CMTM4: variants seen among roughly 807,000 people sequenced by gnomAD.
CMTM4 encodes the protein CKLF-like MARVEL transmembrane domain-containing protein 4.
CMTM4 carries 8 observed loss-of-function variants against 19.0 expected under a neutral mutation model. The ratio of observed to expected loss-of-function variants is 0.42; its 90% CI spans 0.25 to 0.76. The LOEUF is 0.76. CMTM4 is among the 30% of genes least tolerant of loss of function. The pLI is 0.27. For missense variants in CMTM4, 228 were observed against 290.2 expected (o/e 0.79, Z 1.56); for synonymous variants, 106 against 121.1 (o/e 0.88, Z 0.82).
intron 2 of CMTM4, among the ~76,000 whole-genome samples, chr16:66,636,018 A>G (rs1253583572): frequency 2.6e-5 from 4 of 152,142 alleles, no homozygotes; most frequent in African/African-American, 9.7e-5. Context: ...TTTCATTCAT[A>G]TTTTCAATTC....
chr16:66,615,787 CAGG>C lies in CMTM4; in HGVS notation c.*6268_*6270del, dbSNP rs1284889777. ...CCTCTCACCATTTTACACCCAAAGA[CAGG>C]AGGTCAGGGCTCTGATGCTACTCTT... On this transcript the variant is annotated 3_prime_UTR_variant, in exon 4 of 4. Coordinates refer to ENST00000394106, the MANE Select transcript of CMTM4 (RefSeq NM_181521.3). The surrounding 1 kb of genome is among the most constrained non-coding windows in gnomAD (Gnocchi z 4.9). 6.6e-6 allele frequency: 1 copy of C among 152,230 alleles called. No homozygotes were observed. Among genetic ancestry groups the C allele is most frequent in the Non-Finnish European group, 1.5e-5 (1 of 68,056 alleles). 9.4% of individuals were successfully genotyped at this position (152,230 alleles called of 1,614,324 possible).
intron 2 of CMTM4, among the ~76,000 whole-genome samples, chr16:66,627,787 CTG>C (rs1388533689): frequency 6.6e-6 from 1 of 152,148 alleles, no homozygotes; most frequent in African/African-American, 2.4e-5. Context: ...GGACGAGAGA[CTG>C]AGAAAAGAAG....
chr16:66,632,337 T>C (rs2015889267), intron 2 of CMTM4, among the ~76,000 whole-genome samples: 1 of 151,902 alleles, frequency 6.6e-6, no homozygotes, highest in Admixed American at 6.6e-5. Flanking sequence ...TGAAGATGAA[T>C]TGCGGAAGAC....
chr16:66,669,467 T>TAA (rs35876830), intron 1 of CMTM4, among the ~76,000 whole-genome samples: 5 of 128,820 alleles, frequency 3.9e-5, no homozygotes, highest in African/African-American at 8.5e-5. Context: ...ACATGTTAAT[T>TAA]AAAAAAAAAA....
At chr16:66,649,825 C>T (rs2016277688) in intron 1 of CMTM4, among the ~76,000 whole-genome samples, 3 of 152,134 alleles carry the variant, frequency 2.0e-5, no homozygotes, top group African/African-American at 7.2e-5. Context: ...GCCCCTAATC[C>T]CTGTACATGT....
At chr16:66,666,997 G>A (rs924465310) in intron 1 of CMTM4, among the ~76,000 whole-genome samples, 19 of 152,152 alleles carry the variant, frequency 1.2e-4, no homozygotes, top group Admixed American at 9.2e-4. Flanking sequence ...ATATACCCAC[G>A]TAACAAACCT....
At chr16:66,653,941 A>G (rs563820888) in intron 1 of CMTM4, among the ~76,000 whole-genome samples, 1 of 151,962 alleles carries the variant, frequency 6.6e-6, no homozygotes, top group East Asian at 1.9e-4. Context: ...GGGTTTTGCT[A>G]TGTTGGCCAG....
Position 66,654,775 on chromosome 16 carries a change from T to G in CMTM4, c.187-18194A>C, listed in dbSNP as rs924429292. Among the ~76,000 whole-genome samples the G allele has an allele frequency of 2.2e-4, 34 of 152,274 alleles. 1 individual carries two copies. The highest frequency in any genetic ancestry group is 2.1e-3 in the East Asian group (11 of 5,188). On this transcript the variant is annotated intron_variant, in intron 1 of 3. Transcript: ENST00000394106. ...TTATTTATTCAACTGTAAAATGAAT[T>G]AAGGGGCAATTCTGATGCTAAAGGA...
intron 1 of CMTM4, among the ~76,000 whole-genome samples, chr16:66,650,937 T>C (rs1389491168): frequency 6.6e-6 from 1 of 152,200 alleles, no homozygotes; most frequent in Admixed American, 6.6e-5. Flanking sequence ...GGGTTCAAAG[T>C]GTCTTCAGAA....
chr16:66,616,484 A>T lies in CMTM4; in HGVS notation c.*5574T>A, dbSNP rs2015528513. ...AATTTGAGGCAAGATTCAAAAACTCATTTTAAAATGGGTTACAGAGTGAAA... is the reference window on the plus strand; with the variant it reads ...AATTTGAGGCAAGATTCAAAAACTCTTTTTAAAATGGGTTACAGAGTGAAA... On this transcript the variant is annotated 3_prime_UTR_variant, in exon 4 of 4. Transcript: ENST00000394106. The T allele has an allele frequency of 6.6e-6, 1 of 152,222 alleles. No homozygotes were observed. 9.4% of individuals were successfully genotyped at this position (152,222 alleles called of 1,614,324 possible). A position where few individuals can be genotyped will look rare whatever the true frequency, so the allele number is the denominator to read the frequency against.
At chr16:66,649,226 A>T (rs920532857) in intron 1 of CMTM4, among the ~76,000 whole-genome samples, 3 of 152,198 alleles carry the variant, frequency 2.0e-5, no homozygotes, top group African/African-American at 7.2e-5. Context: ...CTCTTAAAAA[A>T]AGAAAAAGTT....
Position 66,649,463 on chromosome 16 carries a change from T to TATCC in CMTM4, c.187-12883_187-12882insGGAT, listed in dbSNP as rs1489675598. ...GATTCCTTCTCTCTATCTATCCATC[T>TATCC]ATCTATCTATCTATCTATCTATCTA... On this transcript the variant is annotated intron_variant, in intron 1 of 3. Transcript: ENST00000394106. Among the ~76,000 whole-genome samples the TATCC allele has an allele frequency of 7.9e-5, 11 of 138,842 alleles. No homozygotes were observed. The East Asian group carries it at 1.9e-3, about 24-fold the overall frequency. The allele number at this position is 138,842 out of a possible 152,430, so 91.1% of individuals were successfully genotyped here.
In CMTM4 at chr16:66,622,105, A is replaced by G. The variant is rs1272690277; in HGVS notation, c.580T>C (p.Ser194Pro). 2 of 1,595,486 alleles carry G rather than the reference A, an allele frequency of 1.3e-6. No homozygotes were observed. The highest frequency in any genetic ancestry group is 1.7e-6 in the Non-Finnish European group (2 of 1,170,358). Reference sequence around the variant, plus strand: ...TCAGGGCGACTGTCCACATCCCTGGACTCCGTGCGGGCTCGGATGTAGTCA... The same window carrying G: ...TCAGGGCGACTGTCCACATCCCTGGGCTCCGTGCGGGCTCGGATGTAGTCA... ...TNDYIRARTE[S>P]RDVDSRPEIQ... Residue 194 changes from serine to proline, a missense_variant, in exon 4 of 4, where the codon TCC becomes CCC. Ser to Pro is a moderately conservative substitution (Grantham distance 74). Transcript: ENST00000394106. This position sits in a 1 kb window ranked among gnomAD's most constrained non-coding sequence, Gnocchi z 4.0.
intron 1 of CMTM4, among the ~76,000 whole-genome samples, chr16:66,678,031 G>A (rs1283497901): frequency 6.6e-6 from 1 of 151,928 alleles, no homozygotes; most frequent in African/African-American, 2.4e-5. Flanking sequence ...AAGTGACCAG[G>A]GTCAGGTGTG....
At chr16:66,658,668 G>A (rs2016446583) in intron 1 of CMTM4, among the ~76,000 whole-genome samples, 2 of 152,134 alleles carry the variant, frequency 1.3e-5, no homozygotes, top group Non-Finnish European at 2.9e-5. Context: ...GTGAGGGGCT[G>A]TCCTGTGCAT....
At chr16:66,683,176 C>CGTAT (rs1555502512) in intron 1 of CMTM4, among the ~76,000 whole-genome samples, 3 of 106,046 alleles carry the variant, frequency 2.8e-5, no homozygotes, top group African/African-American at 1.1e-4. Context: ...TATATATATA[C>CGTAT]ATATGTATAT....
intron 1 of CMTM4, among the ~76,000 whole-genome samples, chr16:66,678,861 C>CT (rs1356916046): frequency 6.6e-6 from 1 of 152,074 alleles, no homozygotes; most frequent in Non-Finnish European, 1.5e-5. Flanking sequence ...AATCCCAGCA[C>CT]TTTGAGAGGC....
chr16:66,637,590 T>C (rs1328900528), intron 1 of CMTM4, among the ~76,000 whole-genome samples: 1 of 152,214 alleles, frequency 6.6e-6, no homozygotes. Context: ...AGTACCATTC[T>C]GGCAATATGT....
At position 66,617,501 on chromosome 16, in the gene CMTM4, G is replaced by T; in HGVS notation, c.*4557C>A. The T allele has an allele frequency of 1.4e-6, 2 of 1,419,088 alleles. No individual in the cohort carries two copies. The highest frequency in any genetic ancestry group is 1.8e-6 in the Non-Finnish European group (2 of 1,090,110). 87.9% of individuals were successfully genotyped at this position (1,419,088 alleles called of 1,614,324 possible). A position where few individuals can be genotyped will look rare whatever the true frequency, so the allele number is the denominator to read the frequency against. Reference sequence around the variant, plus strand: ...TGTACAAAATGCCACTCACTTGCATGAAGAAGAATTAAACAGAACATTCAC... The same window carrying T: ...TGTACAAAATGCCACTCACTTGCATTAAGAAGAATTAAACAGAACATTCAC... On this transcript the variant is annotated 3_prime_UTR_variant, in exon 4 of 4. Transcript: ENST00000394106.
Sources: gnomAD v4.1 joint callset for allele counts (sites outside exome capture counted in the v4.1 genomes callset) on GRCh38, gnomAD v4.1.1 for gene constraint, Gnocchi (gnomAD v3.1) non-coding constraint, MANE v1.5 for transcripts, NCBI Gene and HGNC (gene_info 2026-07-23, HGNC 2026-07-21) for gene names.